Variants in THRB observed in about 807,000 individuals in gnomAD.
THRB encodes thyroid hormone receptor beta.
Under a neutral mutation model 47.8 loss-of-function variants are expected in THRB, and 12 were observed. The observed-to-expected ratio is 0.25, with a 90% CI of 0.16 to 0.41. The LOEUF (loss-of-function observed/expected upper bound fraction) is 0.41. Ranked by LOEUF, THRB falls within the 10% of genes least tolerant of loss-of-function variation. The pLI is 1.00. For synonymous variants in THRB, 218 were observed against 212.2 expected (o/e 1.03, Z -0.24); for missense variants, 348 against 589.2 (o/e 0.59, Z 4.24).
At chr3:24,410,294 C>A (rs1322029582) in intron 1 of THRB, among the ~76,000 whole-genome samples, 1 of 151,788 alleles carries the variant, frequency 6.6e-6, no homozygotes, top group African/African-American at 2.4e-5. Flanking sequence ...TGTCTTCATT[C>A]TGAAATTGAG....
intron 4 of THRB, among the ~76,000 whole-genome samples, chr3:24,222,585 C>G (rs2047263498): frequency 6.6e-6 from 1 of 152,152 alleles, no homozygotes; most frequent in Non-Finnish European, 1.5e-5. Context: ...GGAGAGATGT[C>G]TGAGCATGAA....
chr3:24,426,582 G>A (rs573572585), intron 1 of THRB, among the ~76,000 whole-genome samples: 10 of 151,892 alleles, frequency 6.6e-5, no homozygotes, highest in African/African-American at 1.9e-4. Flanking sequence ...TAGTGTACCC[G>A]AGATGCTCTA....
rs1230183919 is a variant in THRB, at chr3:24,350,242, A to C, written c.-260-12871T>G. Reference sequence around the variant, plus strand: ...ACCTAGTATTGGAGAAGATGTGAAGAAACTGGAATTCTCATACACTGTTGG... The same window carrying C: ...ACCTAGTATTGGAGAAGATGTGAAGCAACTGGAATTCTCATACACTGTTGG... On this transcript the variant is annotated intron_variant, in intron 1 of 10. Coordinates refer to ENST00000646209, the MANE Select transcript of THRB (RefSeq NM_001354712.2). Among the ~76,000 whole-genome samples the C allele has an allele frequency of 2.6e-5, 4 of 152,240 alleles. No homozygotes were observed. In the East Asian group the frequency reaches 5.8e-4, roughly 22 times the overall value.
intron 3 of THRB, among the ~76,000 whole-genome samples, chr3:24,231,887 G>A (rs1025120438): frequency 4.6e-5 from 7 of 152,190 alleles, no homozygotes; most frequent in African/African-American, 1.4e-4. Context: ...AAAGCAAGCT[G>A]AGTTTCTTTA....
At chr3:24,310,315 A>C (rs978501512) in intron 2 of THRB, among the ~76,000 whole-genome samples, 6 of 152,236 alleles carry the variant, frequency 3.9e-5, no homozygotes, top group African/African-American at 1.4e-4. Flanking sequence ...TGCTTTTTAA[A>C]AATAAAATGA....
chr3:24,195,847 G>C (rs1000594563), intron 4 of THRB, among the ~76,000 whole-genome samples: 5 of 152,170 alleles, frequency 3.3e-5, no homozygotes, highest in Admixed American at 2.0e-4. Context: ...CTGTCATTGA[G>C]GTTTGAGGGA....
At chr3:24,158,620 G>T (rs569528641) in intron 5 of THRB, among the ~76,000 whole-genome samples, 1 of 152,212 alleles carries the variant, frequency 6.6e-6, no homozygotes, top group Admixed American at 6.5e-5. Flanking sequence ...AGTAGAGACG[G>T]GGTTTTGTCA....
chr3:24,459,160 A>C (rs1236384662), intron 1 of THRB: 2 of 151,688 alleles, frequency 1.3e-5, no homozygotes, highest in African/African-American at 2.4e-5. Context: ...CCCTGTGTCC[A>C]TGTGTTCTTG....
chr3:24,390,305 A>C (rs2066463791), intron 1 of THRB, among the ~76,000 whole-genome samples: 2 of 152,162 alleles, frequency 1.3e-5, no homozygotes, highest in Non-Finnish European at 2.9e-5. Context: ...TATTCACCGG[A>C]GCATAAGTGG....
At chr3:24,262,172 C>T (rs2052125968) in intron 3 of THRB, among the ~76,000 whole-genome samples, 1 of 152,140 alleles carries the variant, frequency 6.6e-6, no homozygotes, top group Admixed American at 6.5e-5. Context: ...CAAACTTGTT[C>T]CATCCTCTGT....
At chr3:24,324,558 A>C (rs1054721957) in intron 2 of THRB, among the ~76,000 whole-genome samples, 1 of 152,192 alleles carries the variant, frequency 6.6e-6, no homozygotes, top group Non-Finnish European at 1.5e-5. Context: ...TTATTGTGAA[A>C]TATAATATAC....
At chr3:24,158,774 T>C (rs765109440) in intron 5 of THRB, among the ~76,000 whole-genome samples, 1 of 152,212 alleles carries the variant, frequency 6.6e-6, no homozygotes, top group Non-Finnish European at 1.5e-5. Context: ...TCTTATCATA[T>C]ATTATGTAAG....
chr3:24,336,722 C>CCTT (rs1167185445), intron 2 of THRB, among the ~76,000 whole-genome samples: 4 of 135,960 alleles, frequency 2.9e-5, no homozygotes, highest in African/African-American at 2.7e-5. Context: ...AATTCTCATG[C>CCTT]TTTTTTTTTT....
chr3:24,368,393 CCTGT>C (rs1642721332), intron 1 of THRB, among the ~76,000 whole-genome samples: 1 of 152,048 alleles, frequency 6.6e-6, no homozygotes, highest in Non-Finnish European at 1.5e-5. Flanking sequence ...TCTTCTTTAT[CCTGT>C]CTAATACAAT....
At position 24,128,863 on chromosome 3, in the gene THRB, C is replaced by CTTTTTTTTTTTTTTTTTT. The variant is rs57890674; in HGVS notation, c.886-1124_886-1107dup. ...GCCAAGAGAAGAAGGAAACATAACT[C>CTTTTTTTTTTTTTTTTTT]TTTTTTTTTTTTTTTTTTTTTTTTT... On this transcript the variant is annotated intron_variant, in intron 9 of 10. Coordinates refer to ENST00000646209, the MANE Select transcript of THRB (RefSeq NM_001354712.2). Among the ~76,000 whole-genome samples, 7 of 87,056 alleles carry CTTTTTTTTTTTTTTTTTT rather than the reference C, an allele frequency of 8.0e-5. 1 individual carries two copies. Among genetic ancestry groups the CTTTTTTTTTTTTTTTTTT allele is most frequent in the Admixed American group, 1.5e-4 (1 of 6,510 alleles). 57.1% of individuals were successfully genotyped at this position (87,056 alleles called of 152,430 possible). A position where few individuals can be genotyped will look rare whatever the true frequency, so the allele number is the denominator to read the frequency against.
chr3:24,487,900 G>A (rs76795703), intron 1 of THRB, among the ~76,000 whole-genome samples: 244 of 152,268 alleles, frequency 1.6e-3, no homozygotes, highest in African/African-American at 5.5e-3. Context: ...GCTTTGTGTA[G>A]ACATTGATGA....
chr3:24,401,715 G>T (rs1201385106), intron 1 of THRB, among the ~76,000 whole-genome samples: 1 of 151,978 alleles, frequency 6.6e-6, no homozygotes, highest in Non-Finnish European at 1.5e-5. Context: ...CAGTGAGTCT[G>T]ATTTGCGCTA....
At chr3:24,200,322 C>A (rs898849842) in intron 4 of THRB, among the ~76,000 whole-genome samples, 2 of 152,176 alleles carry the variant, frequency 1.3e-5, no homozygotes, top group Non-Finnish European at 2.9e-5. Context: ...TGAAATACCC[C>A]TTTTCAGGGT....
rs1206688775 is a variant in THRB at position 24,127,755 on chromosome 3, C to A, written c.888G>T (p.Leu296=). Residue 296 remains leucine (L), a splice_region_variant and synonymous_variant, in exon 10 of 11, where the codon CTG becomes CTT. Coordinates refer to ENST00000646209, the MANE Select transcript of THRB (RefSeq NM_001354712.2). ...GGAGGATGATCTGGTCTTCACATGG[C>A]AGCTGAAAAGAACCAGTTCATGTCA... ...FAKKLPMFCE[L]PCEDQIILLK... 1 of 1,614,078 alleles carries A rather than the reference C, an allele frequency of 6.2e-7. No individual in the cohort carries two copies. The highest frequency in any genetic ancestry group is 8.5e-7 in the Non-Finnish European group (1 of 1,180,034).
Sources: allele counts gnomAD v4.1 joint callset (sites outside exome capture counted in the v4.1 genomes callset), GRCh38; gene constraint gnomAD v4.1.1; transcripts MANE v1.5; gene names NCBI Gene and HGNC (gene_info 2026-07-23, HGNC 2026-07-21).